PATJ: variants seen among roughly 807,000 people sequenced by gnomAD.
PATJ encodes the protein PATJ crumbs cell polarity complex component.
A neutral mutation model predicts 224.9 loss-of-function variants in PATJ; 190 were observed. The ratio of observed to expected loss-of-function variants is 0.84; its 90% CI spans 0.75 to 0.95. The LOEUF (loss-of-function observed/expected upper bound fraction) is 0.95. Among genes scored for constraint, PATJ ranks in the 40% least tolerant of loss-of-function variants. The pLI is 0.00. For missense variants in PATJ, 2,121 were observed against 2,270.3 expected, an observed-to-expected ratio of 0.93 and a Z score of 1.34; for synonymous variants, 769 against 820.3, an observed-to-expected ratio of 0.94 and a Z score of 1.07.
chr1:61,833,475 C>G, intron 16 of PATJ, 179 bp from the exon 17 acceptor site: 1 of 469,380 alleles, frequency 2.1e-6, no homozygotes, highest in East Asian at 3.7e-5. Flanking sequence ...TTTATAAGAT[C>G]TTATCCTGGA....
At chr1:61,891,330 A>G (rs967644448) in intron 22 of PATJ, among the ~76,000 whole-genome samples, 6 of 152,182 alleles carry the variant, frequency 3.9e-5, no homozygotes, top group African/African-American at 1.4e-4. Context: ...AGTGCCTTCT[A>G]CATAAATGGT....
intron 26 of PATJ, among the ~76,000 whole-genome samples, chr1:61,927,115 T>C (rs1030199239): frequency 6.6e-6 from 1 of 152,206 alleles, no homozygotes; most frequent in Admixed American, 6.5e-5. Flanking sequence ...ATGTGCTGTA[T>C]CATTTGGTAT....
chr1:61,986,751 A>G lies in PATJ; in HGVS notation c.3671-3417A>G, dbSNP rs371530343. Among the ~76,000 whole-genome samples, 174 of 152,278 alleles carry G rather than the reference A, an allele frequency of 1.1e-3. 1 individual carries two copies. Among genetic ancestry groups the G allele is most frequent in the African/African-American group, 3.9e-3 (163 of 41,568 alleles). ...ACCTATTTTTTCTCGTTAAGTTTTT[A>G]AAGAGCCTATCTTATTAATGTTTTC... On this transcript the variant is annotated intron_variant, in intron 27 of 43. Coordinates refer to ENST00000642238, the MANE Select transcript of PATJ (RefSeq NM_001350145.3).
At chr1:61,859,769 G>A (rs1211855264) in intron 18 of PATJ, among the ~76,000 whole-genome samples, 3 of 152,000 alleles carry the variant, frequency 2.0e-5, no homozygotes, top group East Asian at 1.9e-4. Context: ...ACAGGCATGC[G>A]CCACCATGCC....
chr1:62,077,845 G>A (rs1387446196), intron 31 of PATJ, among the ~76,000 whole-genome samples: 1 of 152,182 alleles, frequency 6.6e-6, no homozygotes, highest in Non-Finnish European at 1.5e-5. Context: ...AATTAGCAGT[G>A]TGATTTCAAA....
chr1:62,072,650 G>A (rs1179439408), intron 31 of PATJ: 1 of 150,516 alleles, frequency 6.6e-6, no homozygotes, highest in Non-Finnish European at 1.5e-5. Context: ...CAGAAACAGA[G>A]CAGGTGAAAA....
intron 17 of PATJ, among the ~76,000 whole-genome samples, chr1:61,845,455 C>G (rs886806096): frequency 6.6e-6 from 1 of 152,114 alleles, no homozygotes; most frequent in Non-Finnish European, 1.5e-5. Context: ...ATTTTAAAAG[C>G]TTTTCTTCAG....
At chr1:62,136,057 C>A (rs909539122) in intron 41 of PATJ, among the ~76,000 whole-genome samples, 6 of 89,296 alleles carry the variant, frequency 6.7e-5, no homozygotes, top group East Asian at 7.8e-4. Context: ...GACAGAGTTT[C>A]GCTCTTGTTA....
At chr1:61,858,142 C>T (rs1260794875) in intron 18 of PATJ, among the ~76,000 whole-genome samples, 1 of 152,092 alleles carries the variant, frequency 6.6e-6, no homozygotes, top group African/African-American at 2.4e-5. Context: ...GTGGCATCTG[C>T]TTCTGGGGAG....
chr1:61,771,527 A>G lies in PATJ; in HGVS notation c.621A>G (p.Gln207=). The G allele has an allele frequency of 1.9e-6, 3 of 1,613,454 alleles. No individual in the cohort carries two copies. Among genetic ancestry groups the G allele is most frequent in the Non-Finnish European group, 2.5e-6 (3 of 1,179,724 alleles). The change falls in exon 6 of 44, where the codon CAA becomes CAG. Residue 207 remains glutamine (Q), a synonymous_variant. Coordinates refer to ENST00000642238, the MANE Select transcript of PATJ (RefSeq NM_001350145.3). ...ISHQQAIALL[Q]QTTGSLRLIV... ...ATCAGCAAGCAATTGCATTATTACA[A>G]CAAACCACTGGATCTTTGAGACTGA... is the stretch of plus-strand genomic sequence containing the variant.
intron 21 of PATJ, among the ~76,000 whole-genome samples, chr1:61,882,120 C>T (rs1668186750): frequency 6.6e-6 from 1 of 152,058 alleles, no homozygotes; most frequent in African/African-American, 2.4e-5. Flanking sequence ...AAAGTCGGCC[C>T]ACATTCTGGT....
chr1:61,812,429 AGAGAGTGTGTGTGTGTGTGTGT>A, intron 14 of PATJ, among the ~76,000 whole-genome samples: 1 of 111,470 alleles, frequency 9.0e-6, no homozygotes, highest in East Asian at 2.3e-4. Flanking sequence ...AGAGAGAGAG[AGAGAGTGTGTGTGTGTGTGTGT>A]GTGTGTGTGT....
intron 12 of PATJ, 134 bp from the exon 13 acceptor site, chr1:61,805,314 G>A: frequency 1.6e-6 from 1 of 609,840 alleles, no homozygotes; most frequent in Non-Finnish European, 2.9e-6. Context: ...CTAAGTTAAT[G>A]CATTTTCCTT....
At chr1:62,104,676 A>AT (rs1489673056) in intron 33 of PATJ, among the ~76,000 whole-genome samples, 2 of 151,938 alleles carry the variant, frequency 1.3e-5, no homozygotes, top group East Asian at 1.9e-4. Context: ...TTTATTTTTT[A>AT]TTTTTTTATT....
chr1:61,846,807 C>T lies in PATJ; in HGVS notation c.2113-9223C>T, dbSNP rs529787962. Among the ~76,000 whole-genome samples, 207 of 152,244 alleles carry T rather than the reference C, an allele frequency of 1.4e-3. 2 individuals carry two copies. The highest frequency in any genetic ancestry group is 4.8e-3 in the African/African-American group (198 of 41,554). ...AGAGACGGGTTTTCGCCATGTTGGC[C>T]GGGCTGGCCTCGAACTCCTTGTCTC... On this transcript the variant is annotated intron_variant, in intron 17 of 43. Transcript: ENST00000642238.
intron 41 of PATJ, among the ~76,000 whole-genome samples, chr1:62,132,277 C>A (rs974616348): frequency 2.0e-5 from 3 of 152,114 alleles, no homozygotes; most frequent in South Asian, 4.1e-4. Context: ...AGAAGTAAAA[C>A]TGTTATTTAA....
chr1:61,843,549 G>A (rs978738209), intron 17 of PATJ, among the ~76,000 whole-genome samples: 5 of 152,030 alleles, frequency 3.3e-5, no homozygotes, highest in Non-Finnish European at 5.9e-5. Flanking sequence ...ACCAGCCTGG[G>A]CAACACAGTG....
At chr1:61,953,216 G>T (rs565897283) in intron 27 of PATJ, among the ~76,000 whole-genome samples, 17 of 152,262 alleles carry the variant, frequency 1.1e-4, no homozygotes, top group African/African-American at 4.1e-4. Flanking sequence ...TAAATAAAAT[G>T]GAATATTGAG....
chr1:61,960,599 G>A (rs546333961), intron 27 of PATJ, among the ~76,000 whole-genome samples: 4 of 151,178 alleles, frequency 2.6e-5, no homozygotes, highest in Admixed American at 6.6e-5. Context: ...GGAGGCAGAC[G>A]TTGCAGTGAG....
Sources: gnomAD v4.1 joint callset for allele counts (sites outside exome capture counted in the v4.1 genomes callset) on GRCh38, gnomAD v4.1.1 for gene constraint, MANE v1.5 for transcripts, NCBI Gene and HGNC (gene_info 2026-07-23, HGNC 2026-07-21) for gene names.